The following SCRN1 variants were observed in gnomAD, a reference collection of about 807,000 sequenced individuals.
The protein encoded by SCRN1 is secernin 1, also known as secernin-1.
SCRN1 carries 19 observed loss-of-function variants against 43.3 expected under a neutral mutation model. The ratio of observed to expected loss-of-function variants is 0.44; its 90% CI spans 0.31 to 0.64. The LOEUF is 0.64. Ranked by LOEUF, SCRN1 falls within the 30% of genes least tolerant of loss-of-function variation. SCRN1 has a pLI of 0.09. For missense variants in SCRN1, 447 were observed against 524.1 expected (o/e 0.85, Z 1.44); for synonymous variants, 183 against 188.9 (o/e 0.97, Z 0.26).
chr7:29,986,055 T>C (rs1789140631), intron 1 of SCRN1, among the ~76,000 whole-genome samples: 1 of 152,198 alleles, frequency 6.6e-6, no homozygotes, highest in Admixed American at 6.5e-5. Context: ...ACCAATATGG[T>C]GAAACCCTGT....
intron 1 of SCRN1, chr7:29,988,729 C>G (rs1267756771): frequency 6.6e-6 from 1 of 152,366 alleles, no homozygotes; most frequent in African/African-American, 2.4e-5. Flanking sequence ...TAGAATCAGA[C>G]AGAAAATCCA....
chr7:29,967,390 AC>A (rs1289173117), intron 2 of SCRN1, among the ~76,000 whole-genome samples: 4 of 139,848 alleles, frequency 2.9e-5, no homozygotes, highest in Non-Finnish European at 6.2e-5. Context: ...ATTCATGTAT[AC>A]TTTTTTTTTT....
intron 1 of SCRN1, among the ~76,000 whole-genome samples, chr7:29,986,923 AC>A (rs1416574625): frequency 2.0e-5 from 3 of 151,754 alleles, no homozygotes; most frequent in Non-Finnish European, 4.4e-5. Context: ...ACGGGGTTTC[AC>A]CGTGTTAGCC....
intron 3 of SCRN1, among the ~76,000 whole-genome samples, chr7:29,947,016 G>A (rs566089675): frequency 2.6e-5 from 4 of 152,362 alleles, no homozygotes; most frequent in South Asian, 4.1e-4. Context: ...TTCCAGAAGA[G>A]GGCAGTGCTC....
intron 1 of SCRN1, among the ~76,000 whole-genome samples, chr7:29,978,659 G>A (rs895799147): frequency 2.6e-5 from 4 of 152,082 alleles, no homozygotes; most frequent in African/African-American, 4.8e-5. Flanking sequence ...TGAATGTAAC[G>A]AAAATATTTT....
chr7:29,967,615 G>T (rs895484118), intron 2 of SCRN1, among the ~76,000 whole-genome samples: 7 of 151,922 alleles, frequency 4.6e-5, no homozygotes, highest in African/African-American at 1.7e-4. Flanking sequence ...TACTTAATAG[G>T]GAAGCACTAG....
chr7:29,948,590 A>G (rs993313819), intron 3 of SCRN1, among the ~76,000 whole-genome samples: 1 of 152,238 alleles, frequency 6.6e-6, no homozygotes, highest in Non-Finnish European at 1.5e-5. Flanking sequence ...GTCCAGAATT[A>G]TAAGATGTTC....
At chr7:29,945,647 C>T (rs534061039) in intron 3 of SCRN1, among the ~76,000 whole-genome samples, 1 of 152,274 alleles carries the variant, frequency 6.6e-6, no homozygotes, top group South Asian at 2.1e-4. Context: ...ACATATGACT[C>T]AGAGATAAAT....
intron 2 of SCRN1, among the ~76,000 whole-genome samples, chr7:29,963,774 C>T (rs1046548479): frequency 1.3e-5 from 2 of 152,108 alleles, no homozygotes; most frequent in African/African-American, 4.8e-5. Flanking sequence ...ATTAAATGAA[C>T]TATGGTACAT....
At chr7:29,938,911 A>G (rs902046745) in intron 5 of SCRN1, among the ~76,000 whole-genome samples, 4 of 152,042 alleles carry the variant, frequency 2.6e-5, no homozygotes, top group Admixed American at 6.6e-5. Context: ...GGTCTCCCCA[A>G]CCAAGCTGGT....
rs1583640473 is a variant in SCRN1, at chr7:29,921,685, T to C, written c.*2272A>G. On this transcript the variant is annotated 3_prime_UTR_variant, in exon 8 of 8. Coordinates refer to ENST00000242059, the MANE Select transcript of SCRN1 (RefSeq NM_014766.5). ...TAGCCAAGACAGCTCTCAATTAGGG[T>C]TGCCTTCTTTAAGATGCTTGACCAA... 1 of 152,340 alleles carries C rather than the reference T, an allele frequency of 6.6e-6. No individual in the cohort carries two copies. Among genetic ancestry groups the C allele is most frequent in the Middle Eastern group, 3.4e-3 (1 of 294 alleles). 9.4% of individuals were successfully genotyped at this position (152,340 alleles called of 1,614,324 possible).
At chr7:29,934,894 C>T (rs969041621) in intron 6 of SCRN1, among the ~76,000 whole-genome samples, 2 of 152,236 alleles carry the variant, frequency 1.3e-5, no homozygotes, top group East Asian at 1.9e-4. Context: ...GCATCACCTA[C>T]AGGAGGATGC....
chr7:29,956,481 G>C (rs1788141377), intron 2 of SCRN1, among the ~76,000 whole-genome samples: 1 of 152,194 alleles, frequency 6.6e-6, no homozygotes, highest in South Asian at 2.1e-4. Flanking sequence ...ATTTTAAACG[G>C]GGCAGCTGAA....
rs1788650841 is a variant in SCRN1, at chr7:29,971,002, C to T, written c.-1-1934G>A. Among the ~76,000 whole-genome samples the T allele has an allele frequency of 2.6e-5, 4 of 152,298 alleles. No homozygotes were observed. The South Asian group carries it at 8.3e-4, about 32-fold the overall frequency. On this transcript the variant is annotated intron_variant, in intron 1 of 7. Coordinates refer to ENST00000242059, the MANE Select transcript of SCRN1 (RefSeq NM_014766.5). Reference sequence around the variant, plus strand: ...CCATCCAACCATAGTAGCCCTTTCCCCAACCCCTGGCATTACAGGCACTCA... The same window carrying T: ...CCATCCAACCATAGTAGCCCTTTCCTCAACCCCTGGCATTACAGGCACTCA...
At chr7:29,986,878 C>A (rs1789177106) in intron 1 of SCRN1, among the ~76,000 whole-genome samples, 1 of 151,994 alleles carries the variant, frequency 6.6e-6, no homozygotes, top group South Asian at 2.1e-4. Flanking sequence ...GCGCGTGCCA[C>A]CATGCCCGGC....
intron 1 of SCRN1, among the ~76,000 whole-genome samples, chr7:29,988,324 A>G (rs1290961309): frequency 6.6e-6 from 1 of 152,232 alleles, no homozygotes; most frequent in African/African-American, 2.4e-5. Context: ...ACAAAACCGT[A>G]GAGTTTTAAC....
intron 2 of SCRN1, among the ~76,000 whole-genome samples, chr7:29,959,287 G>GCAA (rs1273326173): frequency 1.3e-5 from 2 of 152,160 alleles, no homozygotes; most frequent in Admixed American, 6.5e-5. Flanking sequence ...AACTTCTTAC[G>GCAA]GTGGGAGAAG....
chr7:29,985,862 A>G (rs552023753), intron 1 of SCRN1, among the ~76,000 whole-genome samples: 1 of 152,252 alleles, frequency 6.6e-6, no homozygotes, highest in East Asian at 1.9e-4. Context: ...TTCTGTTTTA[A>G]CTTCTCCTTA....
At chr7:29,958,091 C>T (rs1788195251) in intron 2 of SCRN1, among the ~76,000 whole-genome samples, 1 of 152,152 alleles carries the variant, frequency 6.6e-6, no homozygotes, top group South Asian at 2.1e-4. Context: ...CTCCTAAGCA[C>T]CAGACCGAAA....
Sources: gnomAD v4.1 joint callset for allele counts (sites outside exome capture counted in the v4.1 genomes callset) on GRCh38, gnomAD v4.1.1 for gene constraint, MANE v1.5 for transcripts, NCBI Gene and HGNC (gene_info 2026-07-23, HGNC 2026-07-21) for gene names.